The following PCDH9 variants were observed in gnomAD, a reference collection of about 807,000 sequenced individuals.
The protein encoded by PCDH9 is protocadherin 9, also known as protocadherin-9.
A neutral mutation model predicts 70.6 loss-of-function variants in PCDH9; 24 were observed. The observed-to-expected ratio is 0.34, with a 90% CI of 0.25 to 0.48. PCDH9 has a LOEUF of 0.48. Ranked by LOEUF, PCDH9 falls within the 20% of genes least tolerant of loss-of-function variation. The pLI is 0.99. For missense variants in PCDH9, 1,281 were observed against 1,503.6 expected (o/e 0.85, Z 2.45); for synonymous variants, 562 against 558.5 (o/e 1.01, Z -0.09).
chr13:66,875,121 T>C (rs1053938866), intron 3 of PCDH9, among the ~76,000 whole-genome samples: 1 of 152,176 alleles, frequency 6.6e-6, no homozygotes, highest in African/African-American at 2.4e-5. Context: ...AGGGTCAGTA[T>C]CAACATCTCC....
chr13:67,051,556 C>A (rs1455072486), intron 2 of PCDH9, among the ~76,000 whole-genome samples: 1 of 151,714 alleles, frequency 6.6e-6, no homozygotes, highest in African/African-American at 2.4e-5. Flanking sequence ...CCACGCCCAG[C>A]TAATTTTTTG....
intron 3 of PCDH9, among the ~76,000 whole-genome samples, chr13:66,785,732 C>T (rs574642170): frequency 6.6e-6 from 1 of 151,958 alleles, no homozygotes; most frequent in Non-Finnish European, 1.5e-5. Context: ...TATTAATTCA[C>T]TCTTTCACCA....
rs1486860596 is a variant in PCDH9 at position 66,981,392 on chromosome 13, C to T, written c.3037-77787G>A. ...GGCGGAGGTTGCAATGAGCCGAGAT[C>T]GTGCCACTGCACTCCAGCCTGGGTG... On this transcript the variant is annotated intron_variant, in intron 2 of 4. Coordinates refer to ENST00000377865, the MANE Select transcript of PCDH9 (RefSeq NM_203487.3). 6.8e-5 allele frequency among the ~76,000 whole-genome samples: 10 copies of T among 147,154 alleles called. No homozygotes were observed. In the East Asian group the frequency reaches 1.2e-3, roughly 18 times the overall value.
intron 2 of PCDH9, among the ~76,000 whole-genome samples, chr13:67,028,410 A>G (rs1444708841): frequency 4.7e-5 from 5 of 107,220 alleles, no homozygotes; most frequent in Non-Finnish European, 7.0e-5. Context: ...ACACTCTGGG[A>G]ACTGCTGTGG....
chr13:67,122,132 G>T (rs1482793032), intron 2 of PCDH9, among the ~76,000 whole-genome samples: 1 of 152,110 alleles, frequency 6.6e-6, no homozygotes, highest in East Asian at 1.9e-4. Flanking sequence ...ATAAAATATG[G>T]CACTTAATTG....
At chr13:66,840,141 T>A (rs2081091485) in intron 3 of PCDH9, among the ~76,000 whole-genome samples, 2 of 152,144 alleles carry the variant, frequency 1.3e-5, no homozygotes, top group Admixed American at 1.3e-4. Context: ...GGGCCCAATA[T>A]ACCCATACAA....
rs1566414172 is a variant in PCDH9, at chr13:67,084,997, A to AAAAT, written c.3036+140407_3036+140408insATTT. Among the ~76,000 whole-genome samples, 13 of 33,194 alleles carry AAAAT rather than the reference A, an allele frequency of 3.9e-4. 1 individual carries two copies. Among genetic ancestry groups the AAAAT allele is most frequent in the Non-Finnish European group, 5.2e-4 (10 of 19,318 alleles). 21.8% of individuals were successfully genotyped at this position (33,194 alleles called of 152,430 possible). On this transcript the variant is annotated intron_variant, in intron 2 of 4. Transcript: ENST00000377865. Reference sequence around the variant, plus strand: ...AAAAAAAAAAAAAAAAAAAAAAAAAAATATATATATATATATATATATATA... The same window carrying AAAAT: ...AAAAAAAAAAAAAAAAAAAAAAAAAAAAATATATATATATATATATATATATATA...
chr13:66,375,373 C>G (rs1218345362), intron 4 of PCDH9, among the ~76,000 whole-genome samples: 1 of 151,974 alleles, frequency 6.6e-6, no homozygotes, highest in African/African-American at 2.4e-5. Context: ...ATTTCATATA[C>G]TTTTTACTCG....
chr13:66,730,894 TC>T (rs747440835), intron 3 of PCDH9, among the ~76,000 whole-genome samples: 37,175 of 95,820 alleles, frequency 0.39, 6,153 homozygotes, highest in Non-Finnish European at 0.44. Context: ...TTTGTTTGTT[TC>T]TTTTTTTTTG....
At chr13:67,113,611 C>A (rs573878911) in intron 2 of PCDH9, among the ~76,000 whole-genome samples, 4 of 151,838 alleles carry the variant, frequency 2.6e-5, no homozygotes, top group Admixed American at 1.3e-4. Flanking sequence ...GCGGTGGCGC[C>A]ATCTCGGCTC....
chr13:66,784,796 A>G (rs1422973754), intron 3 of PCDH9, among the ~76,000 whole-genome samples: 1 of 152,156 alleles, frequency 6.6e-6, no homozygotes, highest in Non-Finnish European at 1.5e-5. Flanking sequence ...ATTATTTTAT[A>G]TAAATAGGCT....
chr13:67,156,197 C>A (rs936445735), intron 2 of PCDH9, among the ~76,000 whole-genome samples: 2 of 152,060 alleles, frequency 1.3e-5, no homozygotes, highest in African/African-American at 2.4e-5. Flanking sequence ...ACCATCCTGG[C>A]CCACCACGGC....
At chr13:66,415,065 G>A (rs1288419917) in intron 4 of PCDH9, among the ~76,000 whole-genome samples, 2 of 152,078 alleles carry the variant, frequency 1.3e-5, no homozygotes, top group East Asian at 3.9e-4. Flanking sequence ...GAGGGAAATT[G>A]ATGAGATTAG....
intron 2 of PCDH9, among the ~76,000 whole-genome samples, chr13:67,142,887 T>C (rs1305403556): frequency 1.3e-5 from 2 of 149,926 alleles, no homozygotes; most frequent in Admixed American, 6.6e-5. Flanking sequence ...CAGGCACCTG[T>C]AATCCCAGCT....
intron 4 of PCDH9, among the ~76,000 whole-genome samples, chr13:66,322,062 T>G (rs983746349): frequency 3.2e-4 from 48 of 149,066 alleles, no homozygotes; most frequent in African/African-American, 1.1e-3. Context: ...ATGGGGGGGG[T>G]GTGATTATTA....
intron 2 of PCDH9, among the ~76,000 whole-genome samples, chr13:67,071,001 G>A (rs1594469877): frequency 3.3e-5 from 5 of 152,034 alleles, no homozygotes; most frequent in Admixed American, 3.3e-4. Flanking sequence ...GCAAATTGAG[G>A]CAATAATCTG....
intron 2 of PCDH9, among the ~76,000 whole-genome samples, chr13:67,092,013 A>G (rs371923251): frequency 6.6e-5 from 10 of 152,280 alleles, no homozygotes; most frequent in African/African-American, 2.4e-4. Context: ...CTTATTCCTA[A>G]AATACAGAAA....
intron 4 of PCDH9, among the ~76,000 whole-genome samples, chr13:66,409,686 G>C (rs1306669000): frequency 6.6e-6 from 1 of 152,148 alleles, no homozygotes; most frequent in Non-Finnish European, 1.5e-5. Flanking sequence ...TTCAAGTTTA[G>C]ACATAGGCTC....
intron 4 of PCDH9, among the ~76,000 whole-genome samples, chr13:66,495,948 G>A (rs1267358921): frequency 6.6e-6 from 1 of 152,058 alleles, no homozygotes; most frequent in Non-Finnish European, 1.5e-5. Context: ...AGTAATAATG[G>A]TACCTACCTA....
Sources: allele counts gnomAD v4.1 joint callset (sites outside exome capture counted in the v4.1 genomes callset), GRCh38; gene constraint gnomAD v4.1.1; transcripts MANE v1.5; gene names NCBI Gene and HGNC (gene_info 2026-07-23, HGNC 2026-07-21).